The following SNX31 variants were observed in gnomAD, a reference collection of about 807,000 sequenced individuals.
SNX31 encodes sorting nexin-31.
SNX31 carries 58 observed loss-of-function variants against 65.4 expected under a neutral mutation model. The observed-to-expected ratio is 0.89, with a 90% confidence interval of 0.72 to 1.10. The LOEUF (loss-of-function observed/expected upper bound fraction) is 1.10, where lower values mean the gene tolerates loss of function less well. SNX31 is among the 50% of genes least tolerant of loss of function. The pLI, the probability that SNX31 is intolerant of heterozygous loss-of-function variation, is 0.00. For missense variants in SNX31, 523 were observed against 529.7 expected (o/e 0.99, Z 0.12); for synonymous variants, 181 against 190.1 (o/e 0.95, Z 0.39).
chr8:100,639,887 T>C (rs527238550), intron 2 of SNX31, among the ~76,000 whole-genome samples: 2 of 151,942 alleles, frequency 1.3e-5, no homozygotes, highest in Admixed American at 1.3e-4. Flanking sequence ...CTCCAGAAAG[T>C]AAGGAAACAT....
intron 10 of SNX31, among the ~76,000 whole-genome samples, chr8:100,593,067 CT>C (rs1478675711): frequency 1.3e-5 from 2 of 152,092 alleles, no homozygotes; most frequent in African/African-American, 2.4e-5. Flanking sequence ...TATGGGGCTT[CT>C]TTTTCAGGTG....
At chr8:100,602,047 G>C (rs1021734809) in intron 8 of SNX31, among the ~76,000 whole-genome samples, 2 of 152,180 alleles carry the variant, frequency 1.3e-5, no homozygotes, top group East Asian at 3.8e-4. Context: ...TTGTCATGAC[G>C]GGGCAGAATT....
chr8:100,621,952 C>A (rs1367688728), intron 4 of SNX31, among the ~76,000 whole-genome samples: 1 of 152,238 alleles, frequency 6.6e-6, no homozygotes, highest in Non-Finnish European at 1.5e-5. Context: ...TGGAGGGAAG[C>A]TCTGTGAGAA....
intron 7 of SNX31, 107 bp from the exon 8 acceptor site, chr8:100,608,670 C>T (rs2131002125): frequency 3.0e-6 from 3 of 991,720 alleles, no homozygotes; most frequent in Non-Finnish European, 4.7e-6. Context: ...CCAGGGCCCC[C>T]TTTTCCAACA....
At chr8:100,642,708 G>A (rs1819343099) in intron 2 of SNX31, among the ~76,000 whole-genome samples, 1 of 152,178 alleles carries the variant, frequency 6.6e-6, no homozygotes, top group African/African-American at 2.4e-5. Context: ...ACACAGTTGA[G>A]CTATCAAAAC....
rs941097325 is a variant in SNX31, at chr8:100,648,108, G to A, written c.141+1166C>T. On this transcript the variant is annotated intron_variant, in intron 2 of 13. Coordinates refer to ENST00000311812, the MANE Select transcript of SNX31 (RefSeq NM_152628.4). This position sits in a 1 kb window ranked among gnomAD's most constrained non-coding sequence, Gnocchi z 4.3. ...CACCTTGAAAATGGACTTTTCCAAT[G>A]CACTGTGATGTATGAGCAAGAAGGC... Among the ~76,000 whole-genome samples, 5 of 152,190 alleles carry A rather than the reference G, an allele frequency of 3.3e-5. No individual in the cohort carries two copies. The highest frequency in any genetic ancestry group is 1.2e-4 in the African/African-American group (5 of 41,438).
intron 2 of SNX31, among the ~76,000 whole-genome samples, chr8:100,641,475 G>A (rs7822252): frequency 0.48 from 66,104 of 137,892 alleles, 15,935 homozygotes; most frequent in African/African-American, 0.54. Context: ...AGACTTCAAG[G>A]CTAAGGCAAC....
chr8:100,585,516 A>C (rs1813964171), intron 11 of SNX31, among the ~76,000 whole-genome samples: 4 of 152,156 alleles, frequency 2.6e-5, no homozygotes, highest in Admixed American at 1.3e-4. Context: ...TACAGCTCTC[A>C]ATGTCTTCCA....
intron 1 of SNX31, among the ~76,000 whole-genome samples, chr8:100,656,501 C>T (rs150581048): frequency 6.6e-6 from 1 of 151,722 alleles, no homozygotes; most frequent in African/African-American, 2.4e-5. Flanking sequence ...ATTAGCCAGG[C>T]GTGGTTGTGG....
At chr8:100,659,953 A>C (rs1000423953) in intron 1 of SNX31, among the ~76,000 whole-genome samples, 1 of 152,074 alleles carries the variant, frequency 6.6e-6, no homozygotes, top group African/African-American at 2.4e-5. Context: ...ATCTACTGAC[A>C]CCTCTACTGT....
At chr8:100,584,415 G>A (rs1044901999) in intron 11 of SNX31, among the ~76,000 whole-genome samples, 3 of 152,072 alleles carry the variant, frequency 2.0e-5, no homozygotes, top group African/African-American at 4.8e-5. Context: ...TTAAAGAAAT[G>A]AAAAATGTCC....
chr8:100,651,389 A>T (rs1392526010), upstream of SNX31, among the ~76,000 whole-genome samples: 1 of 152,158 alleles, frequency 6.6e-6, no homozygotes, highest in Non-Finnish European at 1.5e-5. Flanking sequence ...TTTTGGTCAG[A>T]CCCAGAAGTG....
chr8:100,610,527 CTG>C lies in SNX31; in HGVS notation c.611+1471_611+1472del, dbSNP rs774350102. Among the ~76,000 whole-genome samples the C allele has an allele frequency of 4.3e-4, 66 of 152,288 alleles. No individual in the cohort carries two copies. Among genetic ancestry groups the C allele is most frequent in the Admixed American group, 1.8e-3 (28 of 15,294 alleles). On this transcript the variant is annotated intron_variant, in intron 7 of 13. Transcript: ENST00000311812. This position sits in a 1 kb window ranked among gnomAD's most constrained non-coding sequence, Gnocchi z 4.0. Reference sequence around the variant, plus strand: ...TATTCCCATTTTACAGATAAAGAAACTGAGGCTTAGAGAGCTTGAACGACTTG... The same window carrying C: ...TATTCCCATTTTACAGATAAAGAAACAGGCTTAGAGAGCTTGAACGACTTG...
chr8:100,636,743 C>T (rs761384014), intron 2 of SNX31, among the ~76,000 whole-genome samples: 12 of 151,430 alleles, frequency 7.9e-5, no homozygotes, highest in African/African-American at 1.9e-4. Flanking sequence ...TTTTTTGAGA[C>T]GGAGTTTCAC....
Position 100,660,140 on chromosome 8 carries a change from T to C in SNX31, c.-58+3002A>G, listed in dbSNP as rs1319783319. Among the ~76,000 whole-genome samples, 2 of 152,218 alleles carry C rather than the reference T, an allele frequency of 1.3e-5. No homozygotes were observed. The highest frequency in any genetic ancestry group is 4.8e-5 in the African/African-American group (2 of 41,464). Reference sequence around the variant, plus strand: ...CAAATTATATATCAGTTATTATGATTATTAGTTACCTTTCTCTGAGCACTT... The same window carrying C: ...CAAATTATATATCAGTTATTATGATCATTAGTTACCTTTCTCTGAGCACTT... On this transcript the variant is annotated intron_variant, in intron 1 of 5. Transcript: ENST00000520352. The surrounding 1 kb of genome is among the most constrained non-coding windows in gnomAD (Gnocchi z 4.1).
chr8:100,615,595 C>T (rs1057346181), intron 5 of SNX31, among the ~76,000 whole-genome samples: 8 of 152,296 alleles, frequency 5.3e-5, no homozygotes, highest in Admixed American at 2.6e-4. Flanking sequence ...TTACACAAAT[C>T]TAAATGGTAT....
intron 8 of SNX31, among the ~76,000 whole-genome samples, chr8:100,601,082 T>C (rs1023889532): frequency 6.6e-6 from 1 of 152,168 alleles, no homozygotes; most frequent in African/African-American, 2.4e-5. Flanking sequence ...AAAAATATAT[T>C]GATAAGGTCA....
In SNX31 at chr8:100,629,384, T is replaced by A. The variant is rs1818273092; in HGVS notation, c.321+943A>T. On this transcript the variant is annotated intron_variant, in intron 4 of 13. Coordinates refer to ENST00000311812, the MANE Select transcript of SNX31 (RefSeq NM_152628.4). The surrounding 1 kb of genome is among the most constrained non-coding windows in gnomAD (Gnocchi z 5.1). ...AAACTTTTCAAAGAATAGGAAAGTG[T>A]GTGTATATATAAACCATCAAGAAAT... Among the ~76,000 whole-genome samples the A allele has an allele frequency of 1.3e-5, 2 of 152,172 alleles. No individual in the cohort carries two copies. The highest frequency in any genetic ancestry group is 3.8e-4 in the East Asian group (2 of 5,200).
chr8:100,577,404 GC>G (rs1473994702), intron 12 of SNX31, among the ~76,000 whole-genome samples: 1 of 152,204 alleles, frequency 6.6e-6, no homozygotes. Flanking sequence ...TCTTGGGGTT[GC>G]AATCCATATG....
Sources: gnomAD v4.1 joint callset for allele counts (sites outside exome capture counted in the v4.1 genomes callset) on GRCh38, gnomAD v4.1.1 for gene constraint, Gnocchi (gnomAD v3.1) non-coding constraint, MANE v1.5 for transcripts, NCBI Gene and HGNC (gene_info 2026-07-23, HGNC 2026-07-21) for gene names.